MARCHF1: variants seen among roughly 807,000 people sequenced by gnomAD.
MARCHF1 encodes E3 ubiquitin-protein ligase MARCHF1.
MARCHF1 carries 40 observed loss-of-function variants against 54.2 expected under a neutral mutation model. The observed-to-expected ratio is 0.74, with a 90% confidence interval of 0.57 to 0.96. MARCHF1 has a LOEUF of 0.96. MARCHF1 is among the 40% of genes least tolerant of loss of function. The pLI, the probability that MARCHF1 is intolerant of heterozygous loss-of-function variation, is 0.00. For synonymous variants in MARCHF1, 236 were observed against 236.3 expected (o/e 1.00, Z 0.01); for missense variants, 586 against 656.5 (o/e 0.89, Z 1.17).
chr4:163,961,652 A>G (rs912821327), intron 3 of MARCHF1, among the ~76,000 whole-genome samples: 2 of 151,932 alleles, frequency 1.3e-5, no homozygotes, highest in African/African-American at 4.8e-5. Flanking sequence ...GTCATGGTTG[A>G]CAGGCTTGCT....
intron 5 of MARCHF1, among the ~76,000 whole-genome samples, chr4:163,655,434 G>A (rs1456540971): frequency 2.6e-5 from 4 of 151,574 alleles, no homozygotes; most frequent in East Asian, 1.9e-4. Context: ...ACAAAGAAAC[G>A]TAGACTCCCA....
chr4:164,122,338 A>C (rs1024019724), intron 1 of MARCHF1, among the ~76,000 whole-genome samples: 1 of 152,158 alleles, frequency 6.6e-6, no homozygotes, highest in Admixed American at 6.6e-5. Flanking sequence ...AACTAAGAGT[A>C]GCCTGTAAAT....
chr4:163,833,383 A>C (rs1487783686), intron 4 of MARCHF1, among the ~76,000 whole-genome samples: 1 of 152,170 alleles, frequency 6.6e-6, no homozygotes, highest in Non-Finnish European at 1.5e-5. Flanking sequence ...TAATTAAACT[A>C]AAGAGCTTCT....
At chr4:163,591,110 A>T (rs1444007066) in intron 7 of MARCHF1, among the ~76,000 whole-genome samples, 1 of 151,684 alleles carries the variant, frequency 6.6e-6, no homozygotes, top group African/African-American at 2.4e-5. Flanking sequence ...ACTTAATTTA[A>T]TCCTTATTAA....
At chr4:164,254,548 TTAAG>T (rs1160983963) in intron 1 of MARCHF1, among the ~76,000 whole-genome samples, 1 of 151,798 alleles carries the variant, frequency 6.6e-6, no homozygotes. Context: ...ATGAAGTTTA[TTAAG>T]TATTAACTTA....
At chr4:163,636,919 C>T (rs1384065295) in intron 5 of MARCHF1, among the ~76,000 whole-genome samples, 1 of 152,162 alleles carries the variant, frequency 6.6e-6, no homozygotes, top group Admixed American at 6.5e-5. Flanking sequence ...TGGAACAGGA[C>T]AGAGCCCTCA....
chr4:163,887,168 C>G (rs920350314), intron 3 of MARCHF1, among the ~76,000 whole-genome samples: 1 of 151,818 alleles, frequency 6.6e-6, no homozygotes, highest in Non-Finnish European at 1.5e-5. Context: ...AAATATTACA[C>G]ATTGTGATAA....
At chr4:163,866,226 C>T (rs1327861095) in intron 3 of MARCHF1, among the ~76,000 whole-genome samples, 2 of 151,146 alleles carry the variant, frequency 1.3e-5, no homozygotes, top group Non-Finnish European at 3.0e-5. Flanking sequence ...CTATTTTTAA[C>T]TATTCCAAAA....
intron 2 of MARCHF1, among the ~76,000 whole-genome samples, chr4:164,037,811 T>A (rs1234163472): frequency 6.6e-6 from 1 of 152,190 alleles, no homozygotes; most frequent in Non-Finnish European, 1.5e-5. Context: ...GTGATGACAA[T>A]AACTGATAGT....
At chr4:164,011,106 A>T (rs1426819876) in intron 2 of MARCHF1, among the ~76,000 whole-genome samples, 1 of 152,166 alleles carries the variant, frequency 6.6e-6, no homozygotes, top group East Asian at 1.9e-4. Flanking sequence ...CCACGCCCCA[A>T]ATTCAAATAA....
intron 3 of MARCHF1, among the ~76,000 whole-genome samples, chr4:163,974,407 C>A (rs1041221419): frequency 4.6e-5 from 7 of 152,172 alleles, no homozygotes; most frequent in Non-Finnish European, 8.8e-5. Flanking sequence ...TTTCAGTTGG[C>A]AGTCCTACTC....
chr4:163,851,759 C>T (rs1285152254), intron 4 of MARCHF1, among the ~76,000 whole-genome samples: 1 of 152,182 alleles, frequency 6.6e-6, no homozygotes, highest in Admixed American at 6.6e-5. Context: ...GAAGGACGTC[C>T]TTGCATACAA....
intron 7 of MARCHF1, among the ~76,000 whole-genome samples, chr4:163,607,661 T>C (rs1026701424): frequency 6.6e-6 from 1 of 152,112 alleles, no homozygotes; most frequent in Non-Finnish European, 1.5e-5. Flanking sequence ...TAAAAAACTA[T>C]AGACATTTGG....
At chr4:163,572,089 A>T (rs1217563391) in intron 8 of MARCHF1, among the ~76,000 whole-genome samples, 1 of 152,004 alleles carries the variant, frequency 6.6e-6, no homozygotes, top group Non-Finnish European at 1.5e-5. Flanking sequence ...AATTTAAAAA[A>T]ATATATAGAG....
At chr4:164,090,553 T>G (rs1755276647) in intron 2 of MARCHF1, among the ~76,000 whole-genome samples, 1 of 151,784 alleles carries the variant, frequency 6.6e-6, no homozygotes, top group Non-Finnish European at 1.5e-5. Flanking sequence ...CTTCTGAATC[T>G]CTTTTTATAG....
chr4:164,105,594 C>T (rs1347888739), intron 2 of MARCHF1, among the ~76,000 whole-genome samples: 110 of 100,482 alleles, frequency 1.1e-3, no homozygotes, highest in African/African-American at 4.5e-3. Context: ...CCCTTCCTTA[C>T]ACCTTATACA....
At chr4:163,772,434 A>G (rs1747188304) in intron 4 of MARCHF1, among the ~76,000 whole-genome samples, 2 of 152,324 alleles carry the variant, frequency 1.3e-5, no homozygotes, top group African/African-American at 4.8e-5. Context: ...GGACATGACC[A>G]GGATGAAACA....
chr4:164,019,193 T>G (rs1000620588), intron 2 of MARCHF1, among the ~76,000 whole-genome samples: 4 of 152,190 alleles, frequency 2.6e-5, no homozygotes, highest in Non-Finnish European at 5.9e-5. Flanking sequence ...CCAACAGTAC[T>G]CACTTTCCTC....
chr4:164,168,691 A>ACACACACAC, intron 1 of MARCHF1, among the ~76,000 whole-genome samples: 1 of 126,432 alleles, frequency 7.9e-6, no homozygotes, highest in African/African-American at 3.8e-5. Flanking sequence ...CACACACACA[A>ACACACACAC]ACACATAGAC....
Sources: allele counts gnomAD v4.1 joint callset (sites outside exome capture counted in the v4.1 genomes callset), GRCh38; gene constraint gnomAD v4.1.1; transcripts MANE v1.5; gene names NCBI Gene and HGNC (gene_info 2026-07-23, HGNC 2026-07-21).